Variants in PAFAH1B1 observed in about 807,000 individuals in gnomAD.
PAFAH1B1 encodes the protein platelet-activating factor acetylhydrolase IB subunit beta.
A neutral mutation model predicts 57.5 loss-of-function variants in PAFAH1B1; 2 were observed. That is an observed-to-expected ratio of 0.03 (90% confidence interval 0.01 to 0.11). The LOEUF is 0.11. PAFAH1B1 is among the 10% of genes least tolerant of loss of function. The pLI, the probability that PAFAH1B1 is intolerant of heterozygous loss-of-function variation, is 1.00. For synonymous variants in PAFAH1B1, 152 were observed against 169.6 expected (o/e 0.90, Z 0.81); for missense variants, 257 against 512.0 (o/e 0.50, Z 4.81).
intron 1 of PAFAH1B1, among the ~76,000 whole-genome samples, chr17:2,601,941 T>C (rs2068148798): frequency 6.6e-6 from 1 of 152,222 alleles, no homozygotes; most frequent in Admixed American, 6.5e-5. Flanking sequence ...AGCTAAGATT[T>C]GTCAAAGGGA....
rs548973916 is a variant in PAFAH1B1 at position 2,661,166 on chromosome 17, A to C, written c.33-4206A>C. 4.6e-5 allele frequency among the ~76,000 whole-genome samples: 7 copies of C among 151,988 alleles called. No homozygotes were observed. In the South Asian group the frequency reaches 1.5e-3, roughly 32 times the overall value. ...TTATTTTGCTGTGCAGAAACTCTTG[A>C]GTTTAATTAGATCCCACTTGTCAAT... On this transcript the variant is annotated intron_variant, in intron 2 of 10. Transcript: ENST00000397195.
At chr17:2,669,247 A>G (rs1382508835) in intron 5 of PAFAH1B1, among the ~76,000 whole-genome samples, 1 of 151,242 alleles carries the variant, frequency 6.6e-6, no homozygotes, top group Non-Finnish European at 1.5e-5. Context: ...TATAATAGTG[A>G]TTTAGCCAGC....
chr17:2,673,922 G>A, intron 7 of PAFAH1B1, 138 bp from the exon 8 acceptor site: 1 of 677,106 alleles, frequency 1.5e-6, no homozygotes, highest in Non-Finnish European at 2.7e-6. Flanking sequence ...TAATTAACCA[G>A]GATTGTACAT....
chr17:2,626,084 C>T (rs2068485275), intron 1 of PAFAH1B1, among the ~76,000 whole-genome samples: 1 of 151,948 alleles, frequency 6.6e-6, no homozygotes, highest in Admixed American at 6.6e-5. Flanking sequence ...AACCCTGTCT[C>T]TACTAAAAAT....
At chr17:2,668,531 T>G (rs2069138343) in intron 5 of PAFAH1B1, among the ~76,000 whole-genome samples, 1 of 151,686 alleles carries the variant, frequency 6.6e-6, no homozygotes, top group African/African-American at 2.4e-5. Flanking sequence ...TACTTAAAAT[T>G]AGCCAGGTAT....
chr17:2,670,747 C>T lies in PAFAH1B1; in HGVS notation c.568+416C>T, dbSNP rs201658694. Among the ~76,000 whole-genome samples the T allele has an allele frequency of 1.1e-4, 16 of 152,300 alleles. No homozygotes were observed. In the East Asian group the frequency reaches 3.1e-3, roughly 29 times the overall value. On this transcript the variant is annotated intron_variant, in intron 6 of 10. Coordinates refer to ENST00000397195, the MANE Select transcript of PAFAH1B1 (RefSeq NM_000430.4). ...AGCGCACAGACCCCATGCCCTCGTT[C>T]ATTATTTCCCGGGTCTTGTTGTGGG...
intron 1 of PAFAH1B1, among the ~76,000 whole-genome samples, chr17:2,612,082 T>C (rs1253991786): frequency 6.6e-6 from 1 of 152,212 alleles, no homozygotes; most frequent in Non-Finnish European, 1.5e-5. Context: ...TTAACCCTAG[T>C]AGTATCTTGG....
chr17:2,633,320 G>A (rs1181004376), intron 1 of PAFAH1B1, among the ~76,000 whole-genome samples: 1 of 151,178 alleles, frequency 6.6e-6, no homozygotes, highest in Non-Finnish European at 1.5e-5. Context: ...GGTGCCTGCT[G>A]CCACAACCAG....
intron 1 of PAFAH1B1, among the ~76,000 whole-genome samples, chr17:2,606,810 CTTTTTTTTTTTTTT>C (rs770011553): frequency 3.9e-5 from 4 of 101,714 alleles, no homozygotes; most frequent in African/African-American, 1.6e-4. Flanking sequence ...TGCCTCAGAG[CTTTTTTTTTTTTTT>C]TTTTTTTTTT....
At position 2,626,562 on chromosome 17, in the gene PAFAH1B1, C is replaced by T. The variant is rs112160413; in HGVS notation, c.-190-11537C>T. On this transcript the variant is annotated intron_variant, in intron 1 of 10. Coordinates refer to ENST00000397195, the MANE Select transcript of PAFAH1B1 (RefSeq NM_000430.4). ...CCGGCATCACCTTTCTTCCCCCCCC[C>T]CCCCCCCCCGAGGCGGAGTCTTGTT... 1.6e-3 allele frequency among the ~76,000 whole-genome samples: 90 copies of T among 54,616 alleles called. 5 individuals are homozygous for T. The highest frequency in any genetic ancestry group is 3.7e-3 in the Non-Finnish European group (74 of 19,994). The allele number at this position is 54,616 out of a possible 152,430, so 35.8% of individuals were successfully genotyped here.
At chr17:2,618,386 C>A (rs777757536) in intron 1 of PAFAH1B1, among the ~76,000 whole-genome samples, 5 of 152,080 alleles carry the variant, frequency 3.3e-5, no homozygotes, top group Non-Finnish European at 5.9e-5. Context: ...ATTTTGCCAC[C>A]TTTTAATCAG....
At chr17:2,650,480 C>G (rs913757932) in intron 2 of PAFAH1B1, among the ~76,000 whole-genome samples, 28 of 151,006 alleles carry the variant, frequency 1.9e-4, no homozygotes, top group Admixed American at 3.3e-4. Context: ...CCACTGCACT[C>G]CAGCCTGGGT....
intron 1 of PAFAH1B1, 85 bp from the exon 2 acceptor site, chr17:2,638,012 TTA>T (rs912552690): frequency 2.2e-6 from 1 of 447,948 alleles, no homozygotes; most frequent in Non-Finnish European, 3.9e-6. Context: ...ACAATAAAAT[TTA>T]TCTTTGAAAA....
intron 1 of PAFAH1B1, among the ~76,000 whole-genome samples, chr17:2,621,622 T>G (rs1169877427): frequency 3.1e-5 from 2 of 65,020 alleles, no homozygotes; most frequent in South Asian, 1.5e-3. Flanking sequence ...TTTTTTTTTT[T>G]TTTTTTTTTT....
chr17:2,604,769 A>G (rs1464146327), intron 1 of PAFAH1B1, among the ~76,000 whole-genome samples: 2 of 152,182 alleles, frequency 1.3e-5, no homozygotes, highest in Non-Finnish European at 2.9e-5. Context: ...GATGGCGGCC[A>G]CTGCACTCCA....
chr17:2,632,215 C>T (rs1359333025), intron 1 of PAFAH1B1, among the ~76,000 whole-genome samples: 1 of 152,200 alleles, frequency 6.6e-6, no homozygotes, highest in African/African-American at 2.4e-5. Flanking sequence ...AGGCGTGAGC[C>T]TCCACACTCA....
intron 1 of PAFAH1B1, among the ~76,000 whole-genome samples, chr17:2,637,428 T>C (rs576661158): frequency 2.0e-4 from 30 of 151,894 alleles, no homozygotes; most frequent in Admixed American, 1.3e-4. Context: ...AAAAAAAAAT[T>C]TAAGAATTAG....
intron 1 of PAFAH1B1, among the ~76,000 whole-genome samples, chr17:2,608,724 A>G (rs1409704562): frequency 6.6e-6 from 1 of 152,194 alleles, no homozygotes; most frequent in African/African-American, 2.4e-5. Context: ...GTGCCTCTGC[A>G]CTCCAACCTG....
chr17:2,598,381 A>G (rs1020348997), intron 1 of PAFAH1B1, among the ~76,000 whole-genome samples: 3 of 152,162 alleles, frequency 2.0e-5, no homozygotes, highest in African/African-American at 7.2e-5. Context: ...TCTTTTGCCA[A>G]AGGGACTTGA....
Sources: allele counts gnomAD v4.1 joint callset (sites outside exome capture counted in the v4.1 genomes callset), GRCh38; gene constraint gnomAD v4.1.1; transcripts MANE v1.5; gene names NCBI Gene and HGNC (gene_info 2026-07-23, HGNC 2026-07-21).